Variants in HECW1 observed in about 807,000 individuals in gnomAD.
The protein encoded by HECW1 is HECT, C2 and WW domain containing E3 ubiquitin protein ligase 1.
Under a neutral mutation model 182.3 loss-of-function variants are expected in HECW1, and 61 were observed. The observed-to-expected ratio is 0.33, with a 90% CI of 0.27 to 0.41. The LOEUF (loss-of-function observed/expected upper bound fraction) is 0.41. Among genes scored for constraint, HECW1 ranks in the 10% least tolerant of loss-of-function variants. The pLI is 1.00. For missense variants in HECW1, 1,739 were observed against 2,108.9 expected, an observed-to-expected ratio of 0.82 and a Z score of 3.44; for synonymous variants, 859 against 832.6, an observed-to-expected ratio of 1.03 and a Z score of -0.55.
intron 3 of HECW1, among the ~76,000 whole-genome samples, chr7:43,286,021 C>CA (rs1804593014): frequency 6.6e-6 from 1 of 151,944 alleles, no homozygotes; most frequent in African/African-American, 2.4e-5. Flanking sequence ...ATATGGCTTG[C>CA]AAAAAATCAG....
At chr7:43,479,178 A>T (rs947729696) in intron 16 of HECW1, among the ~76,000 whole-genome samples, 2 of 152,166 alleles carry the variant, frequency 1.3e-5, no homozygotes, top group African/African-American at 4.8e-5. Context: ...GCTCACTGTG[A>T]TGTATAATCA....
At chr7:43,149,724 TTAAAA>T (rs1478619214) in intron 2 of HECW1, among the ~76,000 whole-genome samples, 3 of 152,198 alleles carry the variant, frequency 2.0e-5, no homozygotes, top group Admixed American at 6.5e-5. Flanking sequence ...AAATTAAAAG[TTAAAA>T]TAAAAATATT....
At chr7:43,147,751 G>C (rs1229836790) in intron 2 of HECW1, among the ~76,000 whole-genome samples, 1 of 152,144 alleles carries the variant, frequency 6.6e-6, no homozygotes, top group Non-Finnish European at 1.5e-5. Flanking sequence ...TGTATCAGGA[G>C]AGTTTCAGCT....
chr7:43,268,678 T>C (rs983721698), intron 3 of HECW1, among the ~76,000 whole-genome samples: 2 of 152,238 alleles, frequency 1.3e-5, no homozygotes, highest in Non-Finnish European at 2.9e-5. Context: ...CATTTCTAAC[T>C]GTCCACTGGG....
intron 21 of HECW1, among the ~76,000 whole-genome samples, chr7:43,502,529 G>A (rs2152925065): frequency 6.6e-6 from 1 of 152,152 alleles, no homozygotes; most frequent in South Asian, 2.1e-4. Flanking sequence ...AGGTGTGGTG[G>A]TGCACGCCTT....
At chr7:43,372,296 A>C (rs547946778) in intron 6 of HECW1, among the ~76,000 whole-genome samples, 1 of 152,278 alleles carries the variant, frequency 6.6e-6, no homozygotes, top group Admixed American at 6.5e-5. Context: ...GCAGGATTTC[A>C]CTTATCATTC....
chr7:43,440,096 G>A (rs117422163), intron 9 of HECW1: 23,382 of 152,252 alleles, frequency 0.15, 1,958 homozygotes, highest in Middle Eastern at 0.23. Flanking sequence ...GTTAGGAGCA[G>A]AGTGTTGGGG....
chr7:43,118,631 CTTGTGCCA>C, intron 2 of HECW1: 1 of 152,254 alleles, frequency 6.6e-6, no homozygotes. Flanking sequence ...TTCATAATTC[CTTGTGCCA>C]TCAAAACTTA....
intron 2 of HECW1, chr7:43,119,053 G>A (rs1027894800): frequency 4.6e-5 from 7 of 152,150 alleles, no homozygotes; most frequent in African/African-American, 1.7e-4. Flanking sequence ...ACAGCACATT[G>A]AACATATATG....
chr7:43,500,418 C>A (rs1395781794), intron 19 of HECW1, among the ~76,000 whole-genome samples: 2 of 152,042 alleles, frequency 1.3e-5, no homozygotes, highest in Non-Finnish European at 2.9e-5. Flanking sequence ...CTTTCAGGAG[C>A]AATCTCTTAC....
chr7:43,456,938 A>G (rs1416086340), intron 13 of HECW1, among the ~76,000 whole-genome samples: 1 of 152,222 alleles, frequency 6.6e-6, no homozygotes, highest in African/African-American at 2.4e-5. Flanking sequence ...AAACTGTCTC[A>G]TAAATCACTG....
chr7:43,422,826 GC>G (rs1321986673), intron 8 of HECW1, among the ~76,000 whole-genome samples: 4 of 152,136 alleles, frequency 2.6e-5, no homozygotes, highest in African/African-American at 9.7e-5. Context: ...TTTTGATGGA[GC>G]AGAACAATCA....
At chr7:43,222,575 C>G (rs1416997137) in intron 2 of HECW1, among the ~76,000 whole-genome samples, 1 of 152,144 alleles carries the variant, frequency 6.6e-6, no homozygotes, top group Non-Finnish European at 1.5e-5. Context: ...TCTTCAGCTG[C>G]TACTGCTGAA....
chr7:43,242,877 CA>C (rs1799014876), intron 2 of HECW1, among the ~76,000 whole-genome samples: 1 of 152,132 alleles, frequency 6.6e-6, no homozygotes, highest in African/African-American at 2.4e-5. Context: ...CAGTAGCGTC[CA>C]CCAGGGCGTT....
At chr7:43,441,237 G>A (rs1021662931) in intron 9 of HECW1, among the ~76,000 whole-genome samples, 2 of 152,200 alleles carry the variant, frequency 1.3e-5, no homozygotes, top group Non-Finnish European at 2.9e-5. Flanking sequence ...ATTGCTTTGA[G>A]GGGGTGGAGG....
chr7:43,332,014 A>G (rs1434389067), intron 5 of HECW1, among the ~76,000 whole-genome samples: 1 of 152,168 alleles, frequency 6.6e-6, no homozygotes, highest in East Asian at 1.9e-4. Context: ...GATGACCAGA[A>G]GTGTGGGTGA....
chr7:43,216,335 G>A (rs914448171), intron 2 of HECW1, among the ~76,000 whole-genome samples: 20 of 151,994 alleles, frequency 1.3e-4, no homozygotes, highest in Non-Finnish European at 2.1e-4. Flanking sequence ...TAGGAGAGAC[G>A]AGCTTTCACC....
chr7:43,263,553 G>T (rs1052190658), intron 3 of HECW1, among the ~76,000 whole-genome samples: 4 of 152,148 alleles, frequency 2.6e-5, no homozygotes, highest in Non-Finnish European at 5.9e-5. Flanking sequence ...TAGAGACAGG[G>T]TTTCACCATA....
chr7:43,132,032 G>C (rs1786987366), intron 2 of HECW1, among the ~76,000 whole-genome samples: 2 of 152,170 alleles, frequency 1.3e-5, no homozygotes, highest in Non-Finnish European at 1.5e-5. Flanking sequence ...CTGTTGTTAG[G>C]TTCAGATGCA....
Sources: allele counts gnomAD v4.1 joint callset (sites outside exome capture counted in the v4.1 genomes callset), GRCh38; gene constraint gnomAD v4.1.1; transcripts MANE v1.5; gene names NCBI Gene and HGNC (gene_info 2026-07-23, HGNC 2026-07-21).